The following CPLX1 variants were observed in gnomAD, a reference collection of about 807,000 sequenced individuals.
CPLX1 encodes complexin 1, also known as complexin-1.
In CPLX1, 6 loss-of-function variants were observed where a neutral mutation model predicts 15.6. The observed-to-expected ratio is 0.39, with a 90% CI of 0.21 to 0.76. The LOEUF is 0.76. Ranked by LOEUF, CPLX1 falls within the 30% of genes least tolerant of loss-of-function variation. CPLX1 has a pLI of 0.43. For synonymous variants in CPLX1, 91 were observed against 75.2 expected (o/e 1.21, Z -1.08); for missense variants, 242 against 188.6 (o/e 1.28, Z -1.66).
intron 2 of CPLX1, among the ~76,000 whole-genome samples, chr4:800,431 T>C (rs563633851): frequency 6.6e-6 from 1 of 151,470 alleles, no homozygotes; most frequent in East Asian, 1.9e-4. Flanking sequence ...GGTCAGGAGT[T>C]CGAGACCAGC....
At chr4:803,988 T>C (rs571260341) in intron 2 of CPLX1, among the ~76,000 whole-genome samples, 2 of 152,252 alleles carry the variant, frequency 1.3e-5, no homozygotes, top group African/African-American at 2.4e-5. Context: ...GCCTTTTCTA[T>C]GCTTAGGTGC....
intron 3 of CPLX1, chr4:788,137 C>G (rs892654131): frequency 1.0e-6 from 1 of 985,276 alleles, no homozygotes; most frequent in Admixed American, 6.1e-5. Context: ...GGAGCCCCTC[C>G]CCTGCCATCT....
At chr4:801,409 T>C (rs1482406552) in intron 2 of CPLX1, among the ~76,000 whole-genome samples, 1 of 152,148 alleles carries the variant, frequency 6.6e-6, no homozygotes, top group East Asian at 1.9e-4. Flanking sequence ...ATTTTTAAAG[T>C]GGACAAAAGA....
intron 2 of CPLX1, among the ~76,000 whole-genome samples, chr4:794,027 G>C (rs1308307494): frequency 6.6e-6 from 1 of 152,208 alleles, no homozygotes; most frequent in East Asian, 1.9e-4. Context: ...TGCTGATACC[G>C]GGAAGCTCCG....
chr4:806,060 C>T (rs1220840175), intron 2 of CPLX1, among the ~76,000 whole-genome samples: 1 of 152,080 alleles, frequency 6.6e-6, no homozygotes, highest in Non-Finnish European at 1.5e-5. Context: ...TACTTAATGC[C>T]ACTGAATTGT....
At chr4:820,062 G>A (rs764162921) in intron 2 of CPLX1, among the ~76,000 whole-genome samples, 18 of 152,066 alleles carry the variant, frequency 1.2e-4, no homozygotes, top group Non-Finnish European at 1.8e-4. Context: ...CTTCACCTCC[G>A]GATCTGCTGC....
At chr4:803,781 T>A (rs1746505004) in intron 2 of CPLX1, among the ~76,000 whole-genome samples, 1 of 151,606 alleles carries the variant, frequency 6.6e-6, no homozygotes, top group Non-Finnish European at 1.5e-5. Flanking sequence ...GCCATTCTTG[T>A]GCCTCAGCCT....
intron 3 of CPLX1, 38 bp downstream of exon 3, chr4:792,395 G>A (rs1560237554): frequency 4.0e-6 from 6 of 1,487,262 alleles, no homozygotes; most frequent in African/African-American, 2.8e-5. Flanking sequence ...CTGGACTCAG[G>A]GCCGCCTTCC....
intron 2 of CPLX1, among the ~76,000 whole-genome samples, chr4:809,166 G>T (rs993387227): frequency 6.6e-6 from 1 of 152,238 alleles, no homozygotes; most frequent in African/African-American, 2.4e-5. Context: ...ACACGATTAT[G>T]CTCCTCACGC....
chr4:786,960 G>A, intron 3 of CPLX1: 1 of 985,200 alleles, frequency 1.0e-6, no homozygotes, highest in Non-Finnish European at 1.2e-6. Context: ...TCCTTGAGAG[G>A]AGAGAGGGCT....
Position 792,597 on chromosome 4 carries a change from C to T in CPLX1, c.43G>A (p.Asp15Asn). 6.2e-7 allele frequency: 1 copy of T among 1,612,262 alleles called. No individual in the cohort carries two copies. Reference protein sequence around the residue: ...MKQALGGATKDMGKMLGGDEE... With the variant: ...MKQALGGATKNMGKMLGGDEE... Reference sequence around the variant, plus strand: ...TCACCCCCCAGCATCTTCCCCATGTCCTTGGTGGCCCCTGGTACAGAAGTT... The same window carrying T: ...TCACCCCCCAGCATCTTCCCCATGTTCTTGGTGGCCCCTGGTACAGAAGTT... The change falls in exon 3 of 4, where the codon GAC becomes AAC. Residue 15 changes from aspartate (D) to asparagine (N), a missense_variant. Coordinates refer to ENST00000304062, the MANE Select transcript of CPLX1 (RefSeq NM_006651.4).
intron 2 of CPLX1, among the ~76,000 whole-genome samples, chr4:821,476 C>T (rs1256844437): frequency 2.0e-5 from 3 of 152,202 alleles, no homozygotes; most frequent in African/African-American, 7.2e-5. Context: ...TGTGTCACAT[C>T]AAGGCGGAGG....
chr4:824,468 C>T (rs1459335509), intron 2 of CPLX1, 24 bp downstream of exon 2: 1 of 1,607,976 alleles, frequency 6.2e-7, no homozygotes, highest in Admixed American at 1.7e-5. Context: ...TCAGCCCCTC[C>T]CCACCCCACC....
chr4:796,560 G>A (rs1746345419), intron 2 of CPLX1, among the ~76,000 whole-genome samples: 1 of 152,152 alleles, frequency 6.6e-6, no homozygotes, highest in African/African-American at 2.4e-5. Context: ...TGGGATTACA[G>A]GCATGAGCCA....
chr4:815,530 G>A (rs779897482), intron 2 of CPLX1, among the ~76,000 whole-genome samples: 1 of 152,158 alleles, frequency 6.6e-6, no homozygotes, highest in Non-Finnish European at 1.5e-5. Flanking sequence ...GGAGGGGCAT[G>A]GGGGCAGGTT....
chr4:788,628 T>C (rs1023995846), intron 3 of CPLX1: 1 of 980,916 alleles, frequency 1.0e-6, no homozygotes, highest in East Asian at 1.1e-4. Flanking sequence ...AGATTGGTTC[T>C]CGTCCTAGCC....
intron 2 of CPLX1, among the ~76,000 whole-genome samples, chr4:806,434 A>G (rs1289681753): frequency 1.3e-5 from 2 of 152,224 alleles, no homozygotes; most frequent in African/African-American, 4.8e-5. Flanking sequence ...AAAACCCAAA[A>G]GTATAAAAAC....
rs189609059 is a variant in CPLX1 at position 799,002 on chromosome 4, T to C, written c.32-6394A>G. Among the ~76,000 whole-genome samples the C allele has an allele frequency of 9.0e-3, 1,367 of 152,334 alleles. 23 individuals carry two copies. Among genetic ancestry groups the C allele is most frequent in the Admixed American group, 0.035 (530 of 15,298 alleles). On this transcript the variant is annotated intron_variant, in intron 2 of 3. Transcript: ENST00000304062. ...TGCTCTTCTGCGATATTATGAGATA[T>C]ATATATATGTTTTCATCTATGGCTC...
intron 2 of CPLX1, among the ~76,000 whole-genome samples, chr4:801,653 G>C (rs780481233): frequency 1.3e-5 from 2 of 152,246 alleles, no homozygotes; most frequent in African/African-American, 2.4e-5. Context: ...GCCTGGGCGT[G>C]CAGGGTTGCT....
Sources: allele counts gnomAD v4.1 joint callset (sites outside exome capture counted in the v4.1 genomes callset), GRCh38; gene constraint gnomAD v4.1.1; transcripts MANE v1.5; gene names NCBI Gene and HGNC (gene_info 2026-07-23, HGNC 2026-07-21).